The following ZNF385D variants were observed in gnomAD, a reference collection of about 807,000 sequenced individuals.
The protein encoded by ZNF385D is zinc finger protein 659.
In ZNF385D, 15 loss-of-function variants were observed where a neutral mutation model predicts 35.8. That is an observed-to-expected ratio of 0.42 (90% confidence interval 0.28 to 0.64). The LOEUF is 0.64. ZNF385D is among the 30% of genes least tolerant of loss of function. The pLI is 0.23. For missense variants in ZNF385D, 474 were observed against 494.6 expected, an observed-to-expected ratio of 0.96 and a Z score of 0.39; for synonymous variants, 212 against 186.8, an observed-to-expected ratio of 1.13 and a Z score of -1.10.
At chr3:22,116,492 C>T (rs1702816998) in intron 3 of ZNF385D, among the ~76,000 whole-genome samples, 1 of 151,496 alleles carries the variant, frequency 6.6e-6, no homozygotes, top group Non-Finnish European at 1.5e-5. Flanking sequence ...AAAATGTACA[C>T]AATAAAATGT....
intron 3 of ZNF385D, among the ~76,000 whole-genome samples, chr3:21,962,196 G>C (rs1454715726): frequency 6.6e-6 from 1 of 152,106 alleles, no homozygotes; most frequent in Admixed American, 6.6e-5. Flanking sequence ...AGATGATTAT[G>C]TATTTGGCTA....
intron 4 of ZNF385D, among the ~76,000 whole-genome samples, chr3:21,497,887 G>A (rs187582001): frequency 8.0e-4 from 122 of 151,876 alleles, no homozygotes; most frequent in African/African-American, 2.6e-3. Context: ...AAACTCTTAC[G>A]GAACCAGAAA....
chr3:21,772,545 G>GA (rs1254121968), intron 3 of ZNF385D, among the ~76,000 whole-genome samples: 2 of 151,828 alleles, frequency 1.3e-5, no homozygotes, highest in African/African-American at 2.4e-5. Flanking sequence ...ATTACAGTGG[G>GA]AAAAAAGAAA....
chr3:22,270,683 A>G (rs548237332), intron 2 of ZNF385D, among the ~76,000 whole-genome samples: 12 of 152,158 alleles, frequency 7.9e-5, no homozygotes, highest in Middle Eastern at 6.8e-3. Flanking sequence ...CTTTCCTTAC[A>G]GTAATAACCT....
At chr3:21,663,089 G>C (rs2066286700) in intron 2 of ZNF385D, among the ~76,000 whole-genome samples, 1 of 152,050 alleles carries the variant, frequency 6.6e-6, no homozygotes, top group African/African-American at 2.4e-5. Context: ...ACAGAGTTCA[G>C]CTTGACCAAC....
chr3:22,184,528 A>G (rs1695496258), intron 2 of ZNF385D, among the ~76,000 whole-genome samples: 1 of 152,064 alleles, frequency 6.6e-6, no homozygotes, highest in Non-Finnish European at 1.5e-5. Context: ...TACTAGATTC[A>G]AGGATAGACA....
At chr3:22,305,528 C>T (rs1039971433) in intron 2 of ZNF385D, among the ~76,000 whole-genome samples, 5 of 152,102 alleles carry the variant, frequency 3.3e-5, no homozygotes, top group African/African-American at 1.2e-4. Flanking sequence ...TCATCTTCCC[C>T]GTGTCTCAGG....
intron 1 of ZNF385D, among the ~76,000 whole-genome samples, chr3:21,717,221 T>C (rs930079432): frequency 1.3e-5 from 2 of 152,144 alleles, no homozygotes; most frequent in Non-Finnish European, 1.5e-5. Flanking sequence ...ACTGAAAAAA[T>C]ACAAGGCAAA....
At chr3:21,582,658 T>TAAGTC (rs1228845908) in intron 2 of ZNF385D, among the ~76,000 whole-genome samples, 3 of 152,196 alleles carry the variant, frequency 2.0e-5, no homozygotes, top group African/African-American at 7.2e-5. Context: ...CCTTAAAGAT[T>TAAGTC]AAGTCCACCT....
intron 3 of ZNF385D, among the ~76,000 whole-genome samples, chr3:22,126,171 A>G (rs1397203827): frequency 6.6e-6 from 1 of 152,048 alleles, no homozygotes; most frequent in Non-Finnish European, 1.5e-5. Flanking sequence ...CGAAATGATT[A>G]TATGATTTTT....
At chr3:21,949,738 G>C (rs1392629464) in intron 3 of ZNF385D, among the ~76,000 whole-genome samples, 1 of 151,776 alleles carries the variant, frequency 6.6e-6, no homozygotes, top group African/African-American at 2.4e-5. Flanking sequence ...CCTGGTGTGT[G>C]ATGTTCCCCT....
chr3:21,690,768 G>A (rs567505730), intron 1 of ZNF385D, among the ~76,000 whole-genome samples: 1 of 152,234 alleles, frequency 6.6e-6, no homozygotes, highest in African/African-American at 2.4e-5. Flanking sequence ...TAGACCTATG[G>A]AATCAGAAAC....
At chr3:21,523,843 G>A (rs191388929) in intron 3 of ZNF385D, among the ~76,000 whole-genome samples, 198 of 152,206 alleles carry the variant, frequency 1.3e-3, no homozygotes, top group African/African-American at 4.5e-3. Context: ...GGGGCAGGGA[G>A]TCTAGATGAG....
intron 3 of ZNF385D, among the ~76,000 whole-genome samples, chr3:21,517,993 G>C (rs1707684673): frequency 6.6e-6 from 1 of 152,158 alleles, no homozygotes; most frequent in African/African-American, 2.4e-5. Context: ...ACCAGAAACT[G>C]AGAGGGAGGC....
At chr3:21,468,747 AACTCCGTT>A (rs1703691671) in intron 4 of ZNF385D, among the ~76,000 whole-genome samples, 2 of 151,984 alleles carry the variant, frequency 1.3e-5, no homozygotes, top group Non-Finnish European at 2.9e-5. Flanking sequence ...AACATGGTGA[AACTCCGTT>A]TCTACTTAAA....
chr3:22,160,935 A>C (rs1705910670), intron 3 of ZNF385D, among the ~76,000 whole-genome samples: 1 of 152,110 alleles, frequency 6.6e-6, no homozygotes, highest in South Asian at 2.1e-4. Context: ...TAGAAGGTTT[A>C]AACATCCTAA....
At chr3:21,883,485 T>C (rs532479091) in intron 3 of ZNF385D, among the ~76,000 whole-genome samples, 1 of 152,154 alleles carries the variant, frequency 6.6e-6, no homozygotes, top group East Asian at 1.9e-4. Context: ...TTATGATATA[T>C]ATTCTGATAT....
chr3:21,882,828 G>A (rs1252173643), intron 3 of ZNF385D, among the ~76,000 whole-genome samples: 1 of 151,954 alleles, frequency 6.6e-6, no homozygotes, highest in Non-Finnish European at 1.5e-5. Context: ...TTTATGAAGA[G>A]CATAGCTACT....
intron 2 of ZNF385D, among the ~76,000 whole-genome samples, chr3:22,282,091 T>C (rs1262994266): frequency 6.6e-6 from 1 of 152,100 alleles, no homozygotes; most frequent in Non-Finnish European, 1.5e-5. Flanking sequence ...TCAGTTGTAA[T>C]ATATCCCGTT....
Sources: gnomAD v4.1 joint callset for allele counts (sites outside exome capture counted in the v4.1 genomes callset) on GRCh38, gnomAD v4.1.1 for gene constraint, MANE v1.5 for transcripts, NCBI Gene and HGNC (gene_info 2026-07-23, HGNC 2026-07-21) for gene names.